Variants in ZMIZ1 observed in about 807,000 individuals in gnomAD.
The protein encoded by ZMIZ1 is zinc finger MIZ-type containing 1.
ZMIZ1 carries 17 observed loss-of-function variants against 113.9 expected under a neutral mutation model. The ratio of observed to expected loss-of-function variants is 0.15; its 90% CI spans 0.10 to 0.22. The LOEUF (loss-of-function observed/expected upper bound fraction) is 0.22. ZMIZ1 is among the 10% of genes least tolerant of loss of function. ZMIZ1 has a pLI of 1.00. For synonymous variants in ZMIZ1, 607 were observed against 603.1 expected, an observed-to-expected ratio of 1.01 and a Z score of -0.09; for missense variants, 1,059 against 1,477.8, an observed-to-expected ratio of 0.72 and a Z score of 4.65.
chr10:79,106,345 G>A (rs540056842), intron 1 of ZMIZ1, among the ~76,000 whole-genome samples: 1 of 152,366 alleles, frequency 6.6e-6, no homozygotes, highest in South Asian at 2.1e-4. Context: ...GCCTGAGAGT[G>A]ACAGCCTGGA....
intron 7 of ZMIZ1, among the ~76,000 whole-genome samples, chr10:79,253,928 A>G (rs1366776135): frequency 6.6e-6 from 1 of 152,156 alleles, no homozygotes; most frequent in Non-Finnish European, 1.5e-5. Flanking sequence ...ACTCATGCAC[A>G]CACTCACTCA....
At chr10:79,190,834 T>A (rs1847569831) in intron 4 of ZMIZ1, among the ~76,000 whole-genome samples, 1 of 152,228 alleles carries the variant, frequency 6.6e-6, no homozygotes, top group African/African-American at 2.4e-5. Context: ...AGAACCTGGC[T>A]GTGACTCTCA....
At chr10:79,307,383 TC>T in intron 22 of ZMIZ1, 21 bp from the exon 23 acceptor site, 3 of 1,587,338 alleles carry the variant, frequency 1.9e-6, no homozygotes, top group Non-Finnish European at 2.6e-6. Flanking sequence ...CCCCCTCCCC[TC>T]CCCATCTCAT....
At chr10:79,070,221 G>T (rs1383522285) in intron 1 of ZMIZ1, among the ~76,000 whole-genome samples, 1 of 152,026 alleles carries the variant, frequency 6.6e-6, no homozygotes, top group Admixed American at 6.5e-5. Context: ...AGTGGGGAGC[G>T]CGGCCTCGGC....
At chr10:79,106,983 G>A (rs1438884710) in intron 1 of ZMIZ1, among the ~76,000 whole-genome samples, 1 of 152,248 alleles carries the variant, frequency 6.6e-6, no homozygotes, top group African/African-American at 2.4e-5. Flanking sequence ...TGTGGATATA[G>A]CCCTCATGAT....
At chr10:79,190,713 A>T (rs1028447803) in intron 4 of ZMIZ1, among the ~76,000 whole-genome samples, 1 of 152,302 alleles carries the variant, frequency 6.6e-6, no homozygotes, top group Admixed American at 6.5e-5. Flanking sequence ...TCAGAGCCTC[A>T]ACTTTCTCAT....
At chr10:79,171,888 C>T (rs1025696118) in intron 4 of ZMIZ1, among the ~76,000 whole-genome samples, 4 of 152,196 alleles carry the variant, frequency 2.6e-5, no homozygotes, top group Admixed American at 2.6e-4. Context: ...CGGAGCCATG[C>T]TATTGAGGCA....
At position 79,314,102 on chromosome 10, in the gene ZMIZ1, A is replaced by G. The variant is rs1302614776; in HGVS notation, c.*1353A>G. On this transcript the variant is annotated 3_prime_UTR_variant, in exon 25 of 25. Transcript: ENST00000334512. ...CTCCTCCACCATCACAATCTCACCC[A>G]AACTCCTGCTCACTCAAGCAAAAGC... 6.6e-6 allele frequency: 3 copies of G among 456,800 alleles called. No homozygotes were observed. Among genetic ancestry groups the G allele is most frequent in the South Asian group, 4.6e-5 (3 of 64,572 alleles). 28.3% of individuals were successfully genotyped at this position (456,800 alleles called of 1,614,324 possible). A position where few individuals can be genotyped will look rare whatever the true frequency, so the allele number is the denominator to read the frequency against.
intron 4 of ZMIZ1, among the ~76,000 whole-genome samples, chr10:79,188,864 CG>C (rs1687286481): frequency 6.6e-6 from 1 of 152,192 alleles, no homozygotes; most frequent in Non-Finnish European, 1.5e-5. Flanking sequence ...CCCATGCAAG[CG>C]TGCTTTCATG....
intron 2 of ZMIZ1, among the ~76,000 whole-genome samples, chr10:79,135,188 T>A (rs1485820285): frequency 6.6e-6 from 1 of 152,178 alleles, no homozygotes; most frequent in Non-Finnish European, 1.5e-5. Context: ...TAAGGTGGGT[T>A]ATTTGATAAC....
At chr10:79,282,720 C>G (rs1852818434) in intron 8 of ZMIZ1, among the ~76,000 whole-genome samples, 1 of 152,228 alleles carries the variant, frequency 6.6e-6, no homozygotes, top group African/African-American at 2.4e-5. Context: ...GTCAGGCTGC[C>G]ATAGCCCCGC....
intron 7 of ZMIZ1, among the ~76,000 whole-genome samples, chr10:79,263,419 G>A (rs1408635899): frequency 6.6e-6 from 1 of 152,182 alleles, no homozygotes. Context: ...GTAGAGTCTG[G>A]TCAGCAGAGT....
chr10:79,103,071 G>C (rs1012295602), intron 1 of ZMIZ1, among the ~76,000 whole-genome samples: 1 of 152,134 alleles, frequency 6.6e-6, no homozygotes, highest in African/African-American at 2.4e-5. Context: ...CGGCTGGGGT[G>C]GGGGAGGCGG....
At chr10:79,138,658 C>T (rs973962358) in intron 2 of ZMIZ1, among the ~76,000 whole-genome samples, 2 of 152,176 alleles carry the variant, frequency 1.3e-5, no homozygotes, top group Admixed American at 6.5e-5. Context: ...GCCAGCCCGC[C>T]CCTCCTCCAT....
intron 4 of ZMIZ1, among the ~76,000 whole-genome samples, chr10:79,192,597 G>A (rs935090979): frequency 2.6e-5 from 4 of 152,220 alleles, no homozygotes; most frequent in South Asian, 2.1e-4. Context: ...GTTGAGGAAG[G>A]AGGGACTGAA....
intron 1 of ZMIZ1, among the ~76,000 whole-genome samples, chr10:79,097,529 T>A (rs1843212333): frequency 6.6e-6 from 1 of 152,184 alleles, no homozygotes; most frequent in South Asian, 2.1e-4. Context: ...TGGAATGCAA[T>A]GTGACGAACT....
chr10:79,198,972 T>C (rs1847954145), intron 4 of ZMIZ1, among the ~76,000 whole-genome samples: 2 of 150,832 alleles, frequency 1.3e-5, no homozygotes, highest in Admixed American at 6.6e-5. Flanking sequence ...AGGCGGAGGC[T>C]GCAGTGAGCC....
intron 1 of ZMIZ1, among the ~76,000 whole-genome samples, chr10:79,102,481 T>G (rs374881580): frequency 1.3e-5 from 2 of 152,234 alleles, no homozygotes; most frequent in East Asian, 1.9e-4. Flanking sequence ...TGGGTGTGTG[T>G]GGGGGTCTCA....
chr10:79,186,842 G>C (rs1564706382), intron 4 of ZMIZ1, among the ~76,000 whole-genome samples: 1 of 152,232 alleles, frequency 6.6e-6, no homozygotes, highest in Non-Finnish European at 1.5e-5. Flanking sequence ...GGTCAAAGGG[G>C]CACTGAGCAT....
Sources: allele counts gnomAD v4.1 joint callset (sites outside exome capture counted in the v4.1 genomes callset), GRCh38; gene constraint gnomAD v4.1.1; transcripts MANE v1.5; gene names NCBI Gene and HGNC (gene_info 2026-07-23, HGNC 2026-07-21).